Variants in OSBPL3 observed in about 807,000 individuals in gnomAD.
The protein encoded by OSBPL3 is oxysterol binding protein like 3.
Under a neutral mutation model 120.1 loss-of-function variants are expected in OSBPL3, and 65 were observed. The observed-to-expected ratio is 0.54, with a 90% CI of 0.44 to 0.67. The LOEUF is 0.67. OSBPL3 is among the 30% of genes least tolerant of loss of function. The probability of loss-of-function intolerance (pLI) is 0.00; values close to 1 mark genes in which losing one functional copy is unlikely to be tolerated. For missense variants in OSBPL3, 1,004 were observed against 1,082.1 expected (o/e 0.93, Z 1.01); for synonymous variants, 416 against 402.6 (o/e 1.03, Z -0.40).
rs1452049751 is a variant in OSBPL3, at chr7:24,830,269, G to A, written c.1884+499C>T. On this transcript the variant is annotated intron_variant, in intron 16 of 22. Transcript: ENST00000313367. The surrounding 1 kb of genome is among the most constrained non-coding windows in gnomAD (Gnocchi z 4.4). ...ACCCCACTGCAATATCCTAGCACCT[G>A]GAACAGTGGCAGGCACATGGTATAC... Among the ~76,000 whole-genome samples the A allele has an allele frequency of 1.3e-5, 2 of 152,046 alleles. No homozygotes were observed. Among genetic ancestry groups the A allele is most frequent in the Admixed American group, 1.3e-4 (2 of 15,268 alleles).
chr7:24,807,020 TTC>T, intron 20 of OSBPL3, 118 bp from the exon 21 acceptor site: 1 of 828,614 alleles, frequency 1.2e-6, no homozygotes, highest in African/African-American at 1.7e-5. Flanking sequence ...TCCCTTCCAT[TTC>T]TGTTAAAATA....
chr7:24,826,382 C>T (rs902266088), intron 16 of OSBPL3, among the ~76,000 whole-genome samples: 2 of 152,190 alleles, frequency 1.3e-5, no homozygotes, highest in African/African-American at 4.8e-5. Context: ...GGCCACACCC[C>T]TGCCTACCAC....
In OSBPL3 at chr7:24,817,333, A is replaced by G. The variant is rs897437146; in HGVS notation, c.1949-645T>C. Among the ~76,000 whole-genome samples, 4 of 152,160 alleles carry G rather than the reference A, an allele frequency of 2.6e-5. No homozygotes were observed. Among genetic ancestry groups the G allele is most frequent in the African/African-American group, 7.2e-5 (3 of 41,430 alleles). On this transcript the variant is annotated intron_variant, in intron 17 of 22. Coordinates refer to ENST00000313367, the MANE Select transcript of OSBPL3 (RefSeq NM_015550.4). The surrounding 1 kb of genome is among the most constrained non-coding windows in gnomAD (Gnocchi z 4.0). ...GGAGTTCGAGACCAGCACAGCCAACATGGCGAAACCCCTTCTCTATTAAAA... is the reference window on the plus strand; with the variant it reads ...GGAGTTCGAGACCAGCACAGCCAACGTGGCGAAACCCCTTCTCTATTAAAA...
intron 1 of OSBPL3, among the ~76,000 whole-genome samples, chr7:24,925,453 C>T (rs1057097345): frequency 2.0e-5 from 3 of 152,220 alleles, no homozygotes; most frequent in Non-Finnish European, 2.9e-5. Context: ...CCCCATCTTT[C>T]CTTGCTGGTT....
At chr7:24,956,739 A>T (rs1293245708) in intron 1 of OSBPL3, among the ~76,000 whole-genome samples, 1 of 152,140 alleles carries the variant, frequency 6.6e-6, no homozygotes, top group African/African-American at 2.4e-5. Context: ...ACCTTAATAA[A>T]ATTTTATTTT....
chr7:24,962,873 GCAC>G (rs1015198773), intron 1 of OSBPL3, among the ~76,000 whole-genome samples: 4 of 152,142 alleles, frequency 2.6e-5, no homozygotes, highest in Non-Finnish European at 5.9e-5. Flanking sequence ...CCCTAATACA[GCAC>G]CATTGTTGAA....
chr7:24,888,804 A>C (rs2128330730), intron 2 of OSBPL3, among the ~76,000 whole-genome samples: 1 of 152,318 alleles, frequency 6.6e-6, no homozygotes, highest in South Asian at 2.1e-4. Flanking sequence ...TCAGTTCAAG[A>C]AACAAGGACA....
At chr7:24,810,564 C>G (rs1793666470) in intron 19 of OSBPL3, among the ~76,000 whole-genome samples, 1 of 151,912 alleles carries the variant, frequency 6.6e-6, no homozygotes, top group Non-Finnish European at 1.5e-5. Context: ...AACAAAAACT[C>G]TCTCAGCAAT....
intron 16 of OSBPL3, among the ~76,000 whole-genome samples, chr7:24,829,426 A>G (rs1796106281): frequency 6.6e-6 from 1 of 152,224 alleles, no homozygotes; most frequent in Non-Finnish European, 1.5e-5. Flanking sequence ...CTTTCCTTTG[A>G]GTTCCAGAGA....
At chr7:24,914,441 T>C (rs1298409861) in intron 1 of OSBPL3, among the ~76,000 whole-genome samples, 1 of 152,198 alleles carries the variant, frequency 6.6e-6, no homozygotes, top group Non-Finnish European at 1.5e-5. Context: ...TTTTAAATTA[T>C]TGAAATTTAC....
At position 24,940,977 on chromosome 7, in the gene OSBPL3, G is replaced by A. The variant is rs1040767849; in HGVS notation, c.-150+38909C>T. 1.7e-4 allele frequency among the ~76,000 whole-genome samples: 26 copies of A among 152,034 alleles called. No homozygotes were observed. Among genetic ancestry groups the A allele is most frequent in the East Asian group, 3.9e-4 (2 of 5,170 alleles). ...TGGGACTACAGGCTCCTGCCACTGCGTCCAGCTAATTTTTTGTATTTTTAG... is the reference window on the plus strand; with the variant it reads ...TGGGACTACAGGCTCCTGCCACTGCATCCAGCTAATTTTTTGTATTTTTAG... On this transcript the variant is annotated intron_variant, in intron 1 of 22. Coordinates refer to ENST00000313367, the MANE Select transcript of OSBPL3 (RefSeq NM_015550.4). This position sits in a 1 kb window ranked among gnomAD's most constrained non-coding sequence, Gnocchi z 4.4.
Position 24,940,142 on chromosome 7 carries a change from G to C in OSBPL3, c.-150+39744C>G, listed in dbSNP as rs1812910495. ...TTATATTCTTGAAGAGCATAATAAA[G>C]GTTTGAAATAGCTGCTACAAAAAAA... is the stretch of plus-strand genomic sequence containing the variant. On this transcript the variant is annotated intron_variant, in intron 1 of 22. Transcript: ENST00000313367. This position sits in a 1 kb window ranked among gnomAD's most constrained non-coding sequence, Gnocchi z 4.4. Among the ~76,000 whole-genome samples, 2 of 152,084 alleles carry C rather than the reference G, an allele frequency of 1.3e-5. 1 individual carries two copies. Among genetic ancestry groups the C allele is most frequent in the South Asian group, 4.1e-4 (2 of 4,828 alleles).
intron 19 of OSBPL3, among the ~76,000 whole-genome samples, chr7:24,810,900 T>C (rs939034814): frequency 6.6e-6 from 1 of 152,240 alleles, no homozygotes; most frequent in Non-Finnish European, 1.5e-5. Context: ...TGTTAATATG[T>C]ACCACATTTT....
intron 1 of OSBPL3, among the ~76,000 whole-genome samples, chr7:24,977,257 C>T (rs1401166710): frequency 6.6e-6 from 1 of 152,140 alleles, no homozygotes; most frequent in Non-Finnish European, 1.5e-5. Flanking sequence ...GCCCACAAAC[C>T]ATAAACCCAA....
At position 24,827,802 on chromosome 7, in the gene OSBPL3, T is replaced by C. The variant is rs553269094; in HGVS notation, c.1884+2966A>G. On this transcript the variant is annotated intron_variant, in intron 16 of 22. Coordinates refer to ENST00000313367, the MANE Select transcript of OSBPL3 (RefSeq NM_015550.4). This position sits in a 1 kb window ranked among gnomAD's most constrained non-coding sequence, Gnocchi z 5.1. ...ATCAGGACTGGTGGTATGACCATGG[T>C]GAAGCCAGCTGTGAGAACTCCTGGC... Among the ~76,000 whole-genome samples, 3 of 152,310 alleles carry C rather than the reference T, an allele frequency of 2.0e-5. No homozygotes were observed. In the East Asian group the frequency reaches 5.8e-4, roughly 29 times the overall value.
Position 24,936,285 on chromosome 7 carries a change from G to A in OSBPL3, c.-150+43601C>T, listed in dbSNP as rs1812413420. ...GACAGTGAATACAGGCTGTTACTTA[G>A]GGCTAACTTTTCCTCTCACAATCCA... is the stretch of plus-strand genomic sequence containing the variant. On this transcript the variant is annotated intron_variant, in intron 1 of 22. Transcript: ENST00000313367. The surrounding 1 kb of genome is among the most constrained non-coding windows in gnomAD (Gnocchi z 4.2). 6.6e-6 allele frequency among the ~76,000 whole-genome samples: 1 copy of A among 152,148 alleles called. No homozygotes were observed. The highest frequency in any genetic ancestry group is 2.4e-5 in the African/African-American group (1 of 41,424).
rs746328162 is a variant in OSBPL3 at position 24,899,426 on chromosome 7, C to T, written c.-149-6805G>A. On this transcript the variant is annotated intron_variant, in intron 1 of 22. Coordinates refer to ENST00000313367, the MANE Select transcript of OSBPL3 (RefSeq NM_015550.4). This position sits in a 1 kb window ranked among gnomAD's most constrained non-coding sequence, Gnocchi z 4.0. ...GCTTCCTTCTTTCTGAAGCGGACTC[C>T]TTTACTTCCTTTAACTAAAATTCAG... Among the ~76,000 whole-genome samples the T allele has an allele frequency of 7.2e-5, 11 of 152,156 alleles. No individual in the cohort carries two copies. The highest frequency in any genetic ancestry group is 1.6e-4 in the Non-Finnish European group (11 of 68,030).
In OSBPL3 at chr7:24,938,783, G is replaced by GTGTGTC. The variant is rs779015532; in HGVS notation, c.-150+41102_-150+41103insGACACA. On this transcript the variant is annotated intron_variant, in intron 1 of 22. Coordinates refer to ENST00000313367, the MANE Select transcript of OSBPL3 (RefSeq NM_015550.4). This position sits in a 1 kb window ranked among gnomAD's most constrained non-coding sequence, Gnocchi z 5.8. ...GAATAATGAGGTTTTGTTTTGATGT[G>GTGTGTC]TGTGTGTGTGTGTGTGTGTGTGTGT... Among the ~76,000 whole-genome samples, 14,937 of 79,530 alleles carry GTGTGTC rather than the reference G, an allele frequency of 0.19. 1,231 individuals carry two copies. Among genetic ancestry groups the GTGTGTC allele is most frequent in the Non-Finnish European group, 0.21 (7,549 of 36,246 alleles). The allele number at this position is 79,530 out of a possible 152,430, so 52.2% of individuals were successfully genotyped here.
chr7:24,884,413 G>C (rs1459025065), intron 2 of OSBPL3, among the ~76,000 whole-genome samples: 2 of 152,158 alleles, frequency 1.3e-5, no homozygotes, highest in Non-Finnish European at 2.9e-5. Flanking sequence ...GTTGTGCTGA[G>C]ACTCCAAAGG....
Sources: gnomAD v4.1 joint callset for allele counts (sites outside exome capture counted in the v4.1 genomes callset) on GRCh38, gnomAD v4.1.1 for gene constraint, Gnocchi (gnomAD v3.1) non-coding constraint, MANE v1.5 for transcripts, NCBI Gene and HGNC (gene_info 2026-07-23, HGNC 2026-07-21) for gene names.